Variants in EEIG2 observed in about 807,000 individuals in gnomAD.
EEIG2 encodes EEIG family member 2, also known as family with sequence similarity 102 member B.
At chr1:108,618,965 A>G in the EEIG2 span, among the ~76,000 whole-genome samples, 17 of 152,258 alleles carry the variant, frequency 1.1e-4, no homozygotes, top group South Asian at 2.7e-3. Context: ...GATTAAACCA[A>G]TTTTGCTATA....
the EEIG2 span, chr1:108,636,361 A>C: frequency 2.0e-5 from 3 of 152,244 alleles, no homozygotes; most frequent in Non-Finnish European, 4.4e-5. Context: ...AAAATGTAGA[A>C]TCTGTATAAC....
chr1:108,565,844 T>A, the EEIG2 span, among the ~76,000 whole-genome samples: 1 of 152,218 alleles, frequency 6.6e-6, no homozygotes, highest in African/African-American at 2.4e-5. Context: ...TAGTAAACAT[T>A]TCTTTATTGA....
the EEIG2 span, among the ~76,000 whole-genome samples, chr1:108,564,251 A>C: frequency 1.3e-5 from 2 of 150,580 alleles, no homozygotes; most frequent in East Asian, 3.9e-4. Flanking sequence ...TCTGTATTCA[A>C]GGTTGGGTGG....
the EEIG2 span, among the ~76,000 whole-genome samples, chr1:108,589,813 CAA>C: frequency 1.0e-5 from 1 of 99,548 alleles, no homozygotes; most frequent in Non-Finnish European, 1.8e-5. Context: ...TTTTTTGAGA[CAA>C]GATCTCAGTT....
the EEIG2 span, among the ~76,000 whole-genome samples, chr1:108,605,175 A>G: frequency 1.3e-5 from 2 of 152,240 alleles, no homozygotes; most frequent in Non-Finnish European, 2.9e-5. Flanking sequence ...GAGTTTGGCT[A>G]TAGAGGGGAG....
the EEIG2 span, among the ~76,000 whole-genome samples, chr1:108,603,457 G>A: frequency 1.5e-4 from 2 of 13,526 alleles, no homozygotes; most frequent in Admixed American, 4.5e-3. Flanking sequence ...GCCTTACAAA[G>A]ACAAACCCAG....
the EEIG2 span, chr1:108,628,135 T>C: frequency 6.3e-7 from 1 of 1,596,558 alleles, no homozygotes; most frequent in Non-Finnish European, 8.6e-7. Context: ...TTTTTGGCAA[T>C]AAGAATGACA....
the EEIG2 span, among the ~76,000 whole-genome samples, chr1:108,585,457 A>G: frequency 1.3e-5 from 2 of 152,092 alleles, no homozygotes; most frequent in Non-Finnish European, 2.9e-5. Context: ...AAGTAACACA[A>G]TATAAGGCAT....
At chr1:108,591,142 G>A in the EEIG2 span, among the ~76,000 whole-genome samples, 1 of 152,174 alleles carries the variant, frequency 6.6e-6, no homozygotes, top group South Asian at 2.1e-4. Flanking sequence ...CTCACATAAC[G>A]GAAACCATTT....
At chr1:108,582,262 T>C in the EEIG2 span, among the ~76,000 whole-genome samples, 2 of 152,230 alleles carry the variant, frequency 1.3e-5, no homozygotes, top group African/African-American at 2.4e-5. Context: ...TATTGTGATA[T>C]TTGCTTCACT....
the EEIG2 span, among the ~76,000 whole-genome samples, chr1:108,631,973 G>T: frequency 6.6e-6 from 1 of 151,872 alleles, no homozygotes; most frequent in Non-Finnish European, 1.5e-5. Context: ...AATTAGCCGG[G>T]TGTGGTGGCG....
the EEIG2 span, among the ~76,000 whole-genome samples, chr1:108,623,679 A>AT: frequency 1.1e-4 from 17 of 150,918 alleles, no homozygotes; most frequent in East Asian, 2.0e-4. Flanking sequence ...ATAAAAAAAT[A>AT]TTTTTTTTTT....
At chr1:108,611,997 A>G in the EEIG2 span, among the ~76,000 whole-genome samples, 1 of 152,214 alleles carries the variant, frequency 6.6e-6, no homozygotes, top group South Asian at 2.1e-4. Context: ...AAATTCATAT[A>G]AAAGGTGAAC....
At chr1:108,597,829 A>G in the EEIG2 span, among the ~76,000 whole-genome samples, 13 of 152,242 alleles carry the variant, frequency 8.5e-5, no homozygotes, top group Non-Finnish European at 1.8e-4. Context: ...TAAGAAAAGT[A>G]AAAGAGTTTT....
At chr1:108,634,983 C>T in the EEIG2 span, 18 of 836,456 alleles carry the variant, frequency 2.2e-5, no homozygotes, top group African/African-American at 2.1e-4. Flanking sequence ...TGCCTTTAAA[C>T]GTTATGGAAA....
chr1:108,623,601 A>G, the EEIG2 span, among the ~76,000 whole-genome samples: 1 of 152,232 alleles, frequency 6.6e-6, no homozygotes, highest in Non-Finnish European at 1.5e-5. Flanking sequence ...ATTATTATGC[A>G]TTGCATGCCT....
the EEIG2 span, among the ~76,000 whole-genome samples, chr1:108,624,138 A>G: frequency 3.3e-5 from 5 of 152,236 alleles, no homozygotes; most frequent in African/African-American, 1.2e-4. Flanking sequence ...GCCTCTCTGT[A>G]GACTCTCCCT....
the EEIG2 span, among the ~76,000 whole-genome samples, chr1:108,587,959 T>C: frequency 2.6e-5 from 4 of 152,182 alleles, no homozygotes; most frequent in African/African-American, 9.7e-5. Context: ...TTATGTGATA[T>C]TTGTCTTTCT....
At chr1:108,595,928 C>A in the EEIG2 span, among the ~76,000 whole-genome samples, 1 of 152,016 alleles carries the variant, frequency 6.6e-6, no homozygotes, top group Admixed American at 6.6e-5. Flanking sequence ...GCAGGAAAGA[C>A]GTATTTGCAG....
Sources: allele counts gnomAD v4.1 joint callset (sites outside exome capture counted in the v4.1 genomes callset), GRCh38; gene constraint gnomAD v4.1.1; transcripts MANE v1.5; gene names NCBI Gene and HGNC (gene_info 2026-07-23, HGNC 2026-07-21).